Variants in ZFAND3 observed in about 807,000 individuals in gnomAD.
ZFAND3 encodes zinc finger AN1-type containing 3, also known as AN1-type zinc finger protein 3.
ZFAND3 carries 10 observed loss-of-function variants against 29.6 expected under a neutral mutation model. That is an observed-to-expected ratio of 0.34 (90% CI 0.21 to 0.57). The LOEUF (loss-of-function observed/expected upper bound fraction) is 0.57, where lower values mean the gene tolerates loss of function less well. Ranked by LOEUF, ZFAND3 falls within the 20% of genes least tolerant of loss-of-function variation. The pLI is 0.86. For missense variants in ZFAND3, 230 were observed against 304.5 expected (o/e 0.76, Z 1.82); for synonymous variants, 128 against 112.6 (o/e 1.14, Z -0.87).
chr6:37,938,306 T>C (rs888803167), intron 2 of ZFAND3, among the ~76,000 whole-genome samples: 1 of 152,196 alleles, frequency 6.6e-6, no homozygotes, highest in African/African-American at 2.4e-5. Flanking sequence ...CGTTTATGCA[T>C]TTTGTGCCAG....
At chr6:37,936,719 CTG>C (rs1443562528) in intron 2 of ZFAND3, among the ~76,000 whole-genome samples, 4 of 152,110 alleles carry the variant, frequency 2.6e-5, no homozygotes, top group African/African-American at 9.7e-5. Context: ...TTAATTTTGT[CTG>C]TGTTTTCAGA....
chr6:37,981,434 G>T (rs1228140684), intron 2 of ZFAND3, among the ~76,000 whole-genome samples: 1 of 152,140 alleles, frequency 6.6e-6, no homozygotes, highest in Non-Finnish European at 1.5e-5. Flanking sequence ...CACCCATATT[G>T]AAGCCAGGAT....
intron 2 of ZFAND3, among the ~76,000 whole-genome samples, chr6:38,056,241 CA>C (rs1388225885): frequency 6.6e-6 from 1 of 152,050 alleles, no homozygotes; most frequent in Non-Finnish European, 1.5e-5. Flanking sequence ...ACCACGTACT[CA>C]TTAGTGATCA....
chr6:37,977,187 G>A (rs1561953508), intron 2 of ZFAND3, among the ~76,000 whole-genome samples: 2 of 152,134 alleles, frequency 1.3e-5, no homozygotes, highest in African/African-American at 4.8e-5. Context: ...ATAATCTTAT[G>A]GGACCCTCAT....
chr6:38,061,899 C>T lies in ZFAND3; in HGVS notation c.295+124C>T, dbSNP rs183712671. The T allele has an allele frequency of 3.6e-3, 4,143 of 1,160,582 alleles. 8 individuals are homozygous for T. Among genetic ancestry groups the T allele is most frequent in the Non-Finnish European group, 4.1e-3 (3,410 of 841,226 alleles). The allele number at this position is 1,160,582 out of a possible 1,614,324, so 71.9% of individuals were successfully genotyped here. A position where few individuals can be genotyped will look rare whatever the true frequency, so the allele number is the denominator to read the frequency against. On this transcript the variant is annotated intron_variant, in intron 3 of 5. Transcript: ENST00000287218. ...TTAATTCAAGATAAGTGTCCACATACAAGGCCCAAGCTCAGCAAGTTAGAG... is the reference window on the plus strand; with the variant it reads ...TTAATTCAAGATAAGTGTCCACATATAAGGCCCAAGCTCAGCAAGTTAGAG...
At chr6:37,939,058 T>G (rs543896283) in intron 2 of ZFAND3, among the ~76,000 whole-genome samples, 1 of 152,360 alleles carries the variant, frequency 6.6e-6, no homozygotes. Context: ...GAGAAAATGT[T>G]AGAATTCCTA....
intron 5 of ZFAND3, among the ~76,000 whole-genome samples, chr6:38,123,664 G>A (rs903492252): frequency 1.9e-4 from 29 of 152,094 alleles, no homozygotes; most frequent in Non-Finnish European, 4.4e-5. Context: ...AAATGTGTCC[G>A]GAATTGGTGG....
At chr6:37,972,556 T>C (rs1762407936) in intron 2 of ZFAND3, among the ~76,000 whole-genome samples, 1 of 152,218 alleles carries the variant, frequency 6.6e-6, no homozygotes, top group Non-Finnish European at 1.5e-5. Flanking sequence ...CAGGTATGAT[T>C]TGAAACACTC....
intron 1 of ZFAND3, among the ~76,000 whole-genome samples, chr6:37,897,522 T>C (rs1034076014): frequency 1.3e-5 from 2 of 152,112 alleles, no homozygotes; most frequent in Admixed American, 6.6e-5. Flanking sequence ...ATTTCAAGAG[T>C]ATATAGATGA....
intron 2 of ZFAND3, among the ~76,000 whole-genome samples, chr6:37,977,867 C>CCTTCCTTCCTTCCTTCCTTCCTTCCTTT (rs1762513806): frequency 7.5e-6 from 1 of 134,146 alleles, no homozygotes; most frequent in Non-Finnish European, 1.6e-5. Context: ...TTCCTTCCTT[C>CCTTCCTTCCTTCCTTCCTTCCTTCCTTT]CTTTCCTTCT....
intron 1 of ZFAND3, among the ~76,000 whole-genome samples, chr6:37,830,570 A>T (rs1763841811): frequency 6.6e-6 from 1 of 152,352 alleles, no homozygotes; most frequent in South Asian, 2.1e-4. Flanking sequence ...GTGTTCCATC[A>T]TTTTAGAAAC....
chr6:38,111,732 GT>G (rs1372544581), intron 4 of ZFAND3, among the ~76,000 whole-genome samples: 1 of 152,078 alleles, frequency 6.6e-6, no homozygotes, highest in African/African-American at 2.4e-5. Flanking sequence ...TTGTCTGTGT[GT>G]TATCAGTGAG....
chr6:37,893,063 A>G (rs1765132560), intron 1 of ZFAND3, among the ~76,000 whole-genome samples: 1 of 152,184 alleles, frequency 6.6e-6, no homozygotes, highest in African/African-American at 2.4e-5. Context: ...ACACGCATGC[A>G]CACACACACG....
In ZFAND3 at chr6:37,943,211, G is replaced by T. The variant is rs550530165; in HGVS notation, c.112+13212G>T. On this transcript the variant is annotated intron_variant, in intron 2 of 5. Transcript: ENST00000287218. ...CTGGGAAAGTCTTGCAAGCCCTACT[G>T]CTGGTTTGAAGAGACGATCATTGTA... 1.5e-4 allele frequency among the ~76,000 whole-genome samples: 23 copies of T among 152,294 alleles called. 2 individuals are homozygous for T. In the South Asian group the frequency reaches 4.6e-3, roughly 30 times the overall value.
intron 2 of ZFAND3, among the ~76,000 whole-genome samples, chr6:38,027,962 C>T (rs548946326): frequency 6.6e-6 from 1 of 152,316 alleles, no homozygotes; most frequent in African/African-American, 2.4e-5. Flanking sequence ...TTTTCTGAGG[C>T]TGGGCTTAAA....
rs73734305 is a variant in ZFAND3, at chr6:38,141,510, A to C, written c.530-10725A>C. On this transcript the variant is annotated intron_variant, in intron 5 of 5. Transcript: ENST00000287218. ...CCAGGCTGCACTATATAGTCTTTGT[A>C]TATTTAATTCAGATTTCTCTGAAAT... is the stretch of plus-strand genomic sequence containing the variant. 5.1e-3 allele frequency among the ~76,000 whole-genome samples: 778 copies of C among 152,318 alleles called. 9 individuals are homozygous for C. The highest frequency in any genetic ancestry group is 0.017 in the African/African-American group (722 of 41,560).
chr6:37,969,360 G>C (rs974493866), intron 2 of ZFAND3, among the ~76,000 whole-genome samples: 2 of 152,156 alleles, frequency 1.3e-5, no homozygotes, highest in African/African-American at 4.8e-5. Context: ...TGAAAATGCC[G>C]TAAGTCAAAA....
At chr6:38,048,242 A>G (rs796961990) in intron 2 of ZFAND3, among the ~76,000 whole-genome samples, 10 of 152,066 alleles carry the variant, frequency 6.6e-5, no homozygotes, top group African/African-American at 1.9e-4. Flanking sequence ...AGCTCAAGCT[A>G]TCTGCCCACC....
chr6:37,918,253 T>G (rs1195218570), intron 1 of ZFAND3, among the ~76,000 whole-genome samples: 1 of 152,016 alleles, frequency 6.6e-6, no homozygotes, highest in African/African-American at 2.4e-5. Context: ...TTTTTTGTAT[T>G]TTTAGTAGAG....
Sources: allele counts gnomAD v4.1 joint callset (sites outside exome capture counted in the v4.1 genomes callset), GRCh38; gene constraint gnomAD v4.1.1; transcripts MANE v1.5; gene names NCBI Gene and HGNC (gene_info 2026-07-23, HGNC 2026-07-21).